NEGR1: variants seen among roughly 807,000 people sequenced by gnomAD.
NEGR1 encodes the protein neuronal growth regulator 1.
A neutral mutation model predicts 40.9 loss-of-function variants in NEGR1; 10 were observed. The ratio of observed to expected loss-of-function variants is 0.24; its 90% CI spans 0.15 to 0.42. The LOEUF (loss-of-function observed/expected upper bound fraction) is 0.42. NEGR1 is among the 10% of genes least tolerant of loss of function. NEGR1 has a pLI of 1.00. For synonymous variants in NEGR1, 185 were observed against 166.8 expected (o/e 1.11, Z -0.84); for missense variants, 352 against 438.9 (o/e 0.80, Z 1.77).
rs1009200965 is a variant in NEGR1 at position 72,113,245 on chromosome 1, A to G, written c.176+169074T>C. Among the ~76,000 whole-genome samples the G allele has an allele frequency of 2.0e-5, 3 of 151,814 alleles. No individual in the cohort carries two copies. The South Asian group carries it at 6.2e-4, about 31-fold the overall frequency. On this transcript the variant is annotated intron_variant, in intron 1 of 6. Transcript: ENST00000357731. The stretch of plus-strand genomic sequence containing the variant: ...TGCTACATGAGACTCTAAAACTGTG[A>G]ATCAGCTTTGGAGTTGGGGAAAGCC...
chr1:72,268,417 A>T (rs934842113), intron 1 of NEGR1, among the ~76,000 whole-genome samples: 2 of 151,490 alleles, frequency 1.3e-5, no homozygotes, highest in Non-Finnish European at 3.0e-5. Context: ...TTAGTGAAGC[A>T]GAAATCCGCA....
chr1:71,493,571 A>T (rs570627605), intron 6 of NEGR1, among the ~76,000 whole-genome samples: 2 of 152,160 alleles, frequency 1.3e-5, no homozygotes, highest in Non-Finnish European at 2.9e-5. Flanking sequence ...GGTTAAACAT[A>T]TACTGTTTCC....
chr1:71,898,811 A>C (rs1311413981), intron 2 of NEGR1, among the ~76,000 whole-genome samples: 1 of 149,020 alleles, frequency 6.7e-6, no homozygotes, highest in African/African-American at 2.5e-5. Context: ...ATATGTATAC[A>C]TATATTTTAC....
intron 2 of NEGR1, among the ~76,000 whole-genome samples, chr1:71,857,626 CAAAAAAAAAAAAAAAAA>C (rs59343025): frequency 1.1e-4 from 6 of 53,440 alleles, no homozygotes; most frequent in Admixed American, 3.0e-4. Flanking sequence ...GATCCTGTCT[CAAAAAAAAAAAAAAAAA>C]AAAAAAAAAA....
At chr1:71,828,504 G>C (rs1337493826) in intron 2 of NEGR1, among the ~76,000 whole-genome samples, 1 of 151,744 alleles carries the variant, frequency 6.6e-6, no homozygotes, top group African/African-American at 2.4e-5. Context: ...ACAAAATATA[G>C]GTTCTCTTTC....
intron 1 of NEGR1, among the ~76,000 whole-genome samples, chr1:72,076,485 C>T (rs1402736003): frequency 2.0e-5 from 3 of 151,928 alleles, no homozygotes; most frequent in African/African-American, 7.3e-5. Flanking sequence ...GAACAGAGTA[C>T]AACAGAAACA....
At chr1:72,138,713 A>C (rs1650561367) in intron 1 of NEGR1, among the ~76,000 whole-genome samples, 1 of 152,062 alleles carries the variant, frequency 6.6e-6, no homozygotes, top group African/African-American at 2.4e-5. Context: ...AAATGTTCAA[A>C]ATACATGAAG....
At chr1:72,176,002 TA>T (rs1334646297) in intron 1 of NEGR1, among the ~76,000 whole-genome samples, 1 of 152,142 alleles carries the variant, frequency 6.6e-6, no homozygotes, top group Non-Finnish European at 1.5e-5. Context: ...TTGCAAGCCT[TA>T]GAAGACAGCT....
chr1:72,115,995 A>C (rs1649565619), intron 1 of NEGR1, among the ~76,000 whole-genome samples: 1 of 151,782 alleles, frequency 6.6e-6, no homozygotes, highest in Admixed American at 6.6e-5. Context: ...GTGTAGCCTA[A>C]ATTTAAAACA....
At chr1:71,968,320 T>C (rs1431040565) in intron 1 of NEGR1, among the ~76,000 whole-genome samples, 2 of 152,198 alleles carry the variant, frequency 1.3e-5, no homozygotes. Flanking sequence ...CTGAAGTTGA[T>C]ATGAAAAACA....
chr1:71,568,872 G>A (rs1050607068), intron 6 of NEGR1, among the ~76,000 whole-genome samples: 1 of 145,140 alleles, frequency 6.9e-6, no homozygotes, highest in Non-Finnish European at 1.5e-5. Context: ...GTGTGTATAC[G>A]TATATATTAA....
At chr1:71,951,003 A>C (rs1646065779) in intron 1 of NEGR1, among the ~76,000 whole-genome samples, 1 of 151,954 alleles carries the variant, frequency 6.6e-6, no homozygotes. Context: ...CAGGATTTCA[A>C]GTCAACAGTG....
At chr1:71,666,871 A>G (rs1003065381) in intron 4 of NEGR1, among the ~76,000 whole-genome samples, 2 of 152,168 alleles carry the variant, frequency 1.3e-5, no homozygotes, top group Non-Finnish European at 1.5e-5. Context: ...TACTAAAGCC[A>G]TTCTATTATT....
At chr1:71,870,336 T>A (rs1361995556) in intron 2 of NEGR1, among the ~76,000 whole-genome samples, 1 of 152,192 alleles carries the variant, frequency 6.6e-6, no homozygotes, top group Non-Finnish European at 1.5e-5. Context: ...CTATTATTTT[T>A]TATCTAAGGA....
At chr1:72,072,322 A>T (rs1647500966) in intron 1 of NEGR1, among the ~76,000 whole-genome samples, 1 of 152,156 alleles carries the variant, frequency 6.6e-6, no homozygotes, top group African/African-American at 2.4e-5. Flanking sequence ...TGTCTTAATC[A>T]TCACTGAATT....
At chr1:72,049,952 G>A (rs1647042876) in intron 1 of NEGR1, among the ~76,000 whole-genome samples, 1 of 151,450 alleles carries the variant, frequency 6.6e-6, no homozygotes, top group Admixed American at 6.6e-5. Flanking sequence ...TGCTACATCT[G>A]GTGCAGATTT....
chr1:71,751,614 T>G (rs1216391181), intron 3 of NEGR1, among the ~76,000 whole-genome samples: 1 of 152,106 alleles, frequency 6.6e-6, no homozygotes, highest in African/African-American at 2.4e-5. Flanking sequence ...ACTTTTACCT[T>G]ACTACCCAGG....
intron 1 of NEGR1, among the ~76,000 whole-genome samples, chr1:72,133,566 T>A (rs1199744350): frequency 6.6e-6 from 1 of 151,920 alleles, no homozygotes; most frequent in Non-Finnish European, 1.5e-5. Context: ...TAGTAACTTG[T>A]TAATTAAAAA....
At chr1:72,150,471 T>C (rs1651079170) in intron 1 of NEGR1, among the ~76,000 whole-genome samples, 1 of 152,206 alleles carries the variant, frequency 6.6e-6, no homozygotes, top group African/African-American at 2.4e-5. Flanking sequence ...TGATGACTCT[T>C]TGATGGTTGT....
Sources: allele counts gnomAD v4.1 joint callset (sites outside exome capture counted in the v4.1 genomes callset), GRCh38; gene constraint gnomAD v4.1.1; transcripts MANE v1.5; gene names NCBI Gene and HGNC (gene_info 2026-07-23, HGNC 2026-07-21).